DIAPH3: variants seen among roughly 807,000 people sequenced by gnomAD.
DIAPH3 encodes the protein protein diaphanous homolog 3.
DIAPH3 carries 117 observed loss-of-function variants against 144.3 expected under a neutral mutation model. The ratio of observed to expected loss-of-function variants is 0.81; its 90% confidence interval spans 0.70 to 0.95. DIAPH3 has a LOEUF of 0.95. Among genes scored for constraint, DIAPH3 ranks in the 40% least tolerant of loss-of-function variants. The pLI is 0.00. For missense variants in DIAPH3, 1,421 were observed against 1,412.7 expected (o/e 1.01, Z -0.09); for synonymous variants, 519 against 488.9 (o/e 1.06, Z -0.81).
At chr13:59,970,760 T>A (rs1465922168) in intron 16 of DIAPH3, 92 bp downstream of exon 16, 7 of 1,150,510 alleles carry the variant, frequency 6.1e-6, no homozygotes, top group Non-Finnish European at 8.4e-6. Context: ...TATGTAGGCA[T>A]AAATTAAATC....
rs568626638 is a variant in DIAPH3, at chr13:59,896,542, T to C, written c.2367+15193A>G. Among the ~76,000 whole-genome samples, 385 of 150,398 alleles carry C rather than the reference T, an allele frequency of 2.6e-3. 2 individuals carry two copies. Among genetic ancestry groups the C allele is most frequent in the African/African-American group, 8.8e-3 (361 of 40,884 alleles). ...AACAGAAGGCTGACCTGATGTTTTA[T>C]AATATCTCAGGTAGTTACATGAACT... On this transcript the variant is annotated intron_variant, in intron 20 of 27. Coordinates refer to ENST00000400324, the MANE Select transcript of DIAPH3 (RefSeq NM_001042517.2).
intron 25 of DIAPH3, 71 bp downstream of exon 25, chr13:59,810,717 A>G (rs2040426306): frequency 2.0e-6 from 3 of 1,519,454 alleles, no homozygotes; most frequent in Admixed American, 3.7e-5. Context: ...AAGTTCATTA[A>G]TATACTAATA....
intron 27 of DIAPH3, chr13:59,695,398 C>T (rs1378166038): frequency 6.6e-6 from 1 of 152,188 alleles, no homozygotes; most frequent in Non-Finnish European, 1.5e-5. Context: ...TCTCCTGGAA[C>T]TTTTGTGCTT....
At chr13:60,083,444 T>C (rs1220415591) in intron 4 of DIAPH3, among the ~76,000 whole-genome samples, 1 of 151,868 alleles carries the variant, frequency 6.6e-6, no homozygotes, top group Non-Finnish European at 1.5e-5. Context: ...AATGAAAGAA[T>C]ATAATACTTC....
intron 22 of DIAPH3, among the ~76,000 whole-genome samples, chr13:59,858,568 C>T (rs377690484): frequency 6.6e-6 from 1 of 152,006 alleles, no homozygotes; most frequent in African/African-American, 2.4e-5. Flanking sequence ...TGTAAACTTA[C>T]CTTAGTTTTA....
At chr13:59,929,993 A>G (rs1337160726) in intron 17 of DIAPH3, among the ~76,000 whole-genome samples, 3 of 152,194 alleles carry the variant, frequency 2.0e-5, no homozygotes, top group Non-Finnish European at 4.4e-5. Context: ...ATATCTTGAC[A>G]ATTTCTGAAC....
At chr13:60,016,986 T>C (rs761070234) in intron 5 of DIAPH3, among the ~76,000 whole-genome samples, 1 of 152,130 alleles carries the variant, frequency 6.6e-6, no homozygotes, top group East Asian at 1.9e-4. Flanking sequence ...ACAATGATAA[T>C]AATCTGTCAC....
At chr13:60,122,629 C>T (rs2058876675) in intron 2 of DIAPH3, among the ~76,000 whole-genome samples, 1 of 152,076 alleles carries the variant, frequency 6.6e-6, no homozygotes, top group Non-Finnish European at 1.5e-5. Context: ...TTTTTCTCAA[C>T]AATATTTTAA....
chr13:59,949,132 T>G (rs1350449058), intron 17 of DIAPH3, among the ~76,000 whole-genome samples: 1 of 152,162 alleles, frequency 6.6e-6, no homozygotes, highest in Non-Finnish European at 1.5e-5. Flanking sequence ...GGGACTTCCT[T>G]ATCATATAGG....
intron 18 of DIAPH3, among the ~76,000 whole-genome samples, chr13:59,920,842 C>T (rs919591778): frequency 6.6e-6 from 1 of 151,710 alleles, no homozygotes. Flanking sequence ...TATGTTATGC[C>T]ACAAAACATG....
chr13:59,851,247 C>G (rs1224822986), intron 22 of DIAPH3, among the ~76,000 whole-genome samples: 1 of 152,170 alleles, frequency 6.6e-6, no homozygotes, highest in African/African-American at 2.4e-5. Context: ...GACCTTATCT[C>G]CTATTATGCT....
At chr13:59,980,983 A>C in intron 13 of DIAPH3, 124 bp from the exon 14 acceptor site, 1 of 711,444 alleles carries the variant, frequency 1.4e-6, no homozygotes. Flanking sequence ...GTAATAAACA[A>C]AATGGAAAAA....
intron 17 of DIAPH3, among the ~76,000 whole-genome samples, chr13:59,934,645 C>G (rs981545787): frequency 6.6e-6 from 1 of 152,028 alleles, no homozygotes; most frequent in African/African-American, 2.4e-5. Flanking sequence ...ATTTTTGAAC[C>G]AGAACGGCCC....
intron 25 of DIAPH3, among the ~76,000 whole-genome samples, chr13:59,777,961 T>C (rs1284307727): frequency 6.6e-6 from 1 of 152,158 alleles, no homozygotes; most frequent in Non-Finnish European, 1.5e-5. Flanking sequence ...GAATATGGAC[T>C]GGGTATCAGA....
intron 17 of DIAPH3, among the ~76,000 whole-genome samples, chr13:59,964,405 TTC>T (rs2049939269): frequency 6.6e-6 from 1 of 151,978 alleles, no homozygotes; most frequent in Non-Finnish European, 1.5e-5. Flanking sequence ...TTTCCTCTCT[TTC>T]TGTTTGTAAC....
chr13:59,972,395 G>T (rs1273178767), intron 15 of DIAPH3, among the ~76,000 whole-genome samples: 4 of 152,158 alleles, frequency 2.6e-5, no homozygotes, highest in African/African-American at 9.7e-5. Flanking sequence ...AATAACTTTT[G>T]TAATATGAGT....
At chr13:59,766,706 A>G (rs566155201) in intron 27 of DIAPH3, among the ~76,000 whole-genome samples, 1 of 152,294 alleles carries the variant, frequency 6.6e-6, no homozygotes, top group South Asian at 2.1e-4. Flanking sequence ...TGAATGGCAA[A>G]GAAACATAAT....
chr13:59,771,891 C>T (rs1487555242), intron 27 of DIAPH3, among the ~76,000 whole-genome samples: 1 of 151,810 alleles, frequency 6.6e-6, no homozygotes, highest in Non-Finnish European at 1.5e-5. Context: ...TCTCAGTAAA[C>T]ATTAGCTTAT....
chr13:59,873,505 T>C (rs371217650), intron 21 of DIAPH3, among the ~76,000 whole-genome samples: 115 of 152,282 alleles, frequency 7.6e-4, no homozygotes, highest in African/African-American at 2.7e-3. Flanking sequence ...AAACTCTACC[T>C]GTACAAGCTA....
Sources: allele counts gnomAD v4.1 joint callset (sites outside exome capture counted in the v4.1 genomes callset), GRCh38; gene constraint gnomAD v4.1.1; transcripts MANE v1.5; gene names NCBI Gene and HGNC (gene_info 2026-07-23, HGNC 2026-07-21).